Variants in DNER observed in about 807,000 individuals in gnomAD.
DNER encodes the protein delta/notch like EGF repeat containing, also known as delta and Notch-like epidermal growth factor-related receptor.
In DNER, 33 loss-of-function variants were observed where a neutral mutation model predicts 78.2. The ratio of observed to expected loss-of-function variants is 0.42; its 90% CI spans 0.32 to 0.56. DNER has a LOEUF of 0.56. Ranked by LOEUF, DNER falls within the 20% of genes least tolerant of loss-of-function variation. The pLI is 0.11. For missense variants in DNER, 918 were observed against 975.3 expected (o/e 0.94, Z 0.78); for synonymous variants, 417 against 384.8 (o/e 1.08, Z -0.98).
chr2:229,572,162 C>G (rs1697229501), intron 4 of DNER, among the ~76,000 whole-genome samples: 1 of 152,132 alleles, frequency 6.6e-6, no homozygotes, highest in Admixed American at 6.6e-5. Context: ...CACACCGTTC[C>G]CCTTTACCCC....
intron 1 of DNER, among the ~76,000 whole-genome samples, chr2:229,618,345 A>G (rs551599984): frequency 1.2e-4 from 19 of 152,328 alleles, no homozygotes; most frequent in African/African-American, 4.1e-4. Context: ...ATTCGTTTGA[A>G]TAAGAGTTCT....
At chr2:229,359,895 C>T (rs894505436) in intron 12 of DNER, among the ~76,000 whole-genome samples, 3 of 152,182 alleles carry the variant, frequency 2.0e-5, no homozygotes, top group Admixed American at 6.5e-5. Flanking sequence ...AGGCAAAACA[C>T]GGGGTTAAAG....
At chr2:229,538,262 A>G (rs1315639874) in intron 5 of DNER, among the ~76,000 whole-genome samples, 1 of 152,254 alleles carries the variant, frequency 6.6e-6, no homozygotes, top group Non-Finnish European at 1.5e-5. Context: ...TCTTCACGTT[A>G]GCATTAAGTC....
chr2:229,498,706 G>A (rs1370904755), intron 6 of DNER, among the ~76,000 whole-genome samples: 1 of 152,064 alleles, frequency 6.6e-6, no homozygotes, highest in African/African-American at 2.4e-5. Context: ...ATTAAACCAA[G>A]TAGGGGAAAT....
chr2:229,678,957 G>C (rs1699343588), intron 1 of DNER, among the ~76,000 whole-genome samples: 1 of 152,166 alleles, frequency 6.6e-6, no homozygotes, highest in African/African-American at 2.4e-5. Context: ...CAGATGTGAG[G>C]GGCTTCCCCA....
At position 229,366,935 on chromosome 2, in the gene DNER, G is replaced by A. The variant is rs1469709595; in HGVS notation, c.2040C>T (p.Phe680=). The A allele has an allele frequency of 1.2e-6, 2 of 1,614,172 alleles. No homozygotes were observed. The highest frequency in any genetic ancestry group is 1.7e-5 in the Admixed American group (1 of 60,022). ...QGSSRPAYEE[F]YNCRSIDSEF... The stretch of plus-strand genomic sequence containing the variant: ...CGCTGTCGATGCTGCGGCAGTTGTA[G>A]AACTCCTCATAGGCTGGCCTGGAAG... Residue 680 remains phenylalanine, a synonymous_variant, in exon 12 of 13, where the codon TTC becomes TTT. Coordinates refer to ENST00000341772, the MANE Select transcript of DNER (RefSeq NM_139072.4).
At chr2:229,456,353 G>GC (rs1694573094) in intron 7 of DNER, among the ~76,000 whole-genome samples, 1 of 151,522 alleles carries the variant, frequency 6.6e-6, no homozygotes, top group African/African-American at 2.4e-5. Context: ...CTCCCACCAG[G>GC]CCCCACCTCC....
In DNER at chr2:229,360,489, G is replaced by A. The variant is rs533412911; in HGVS notation, c.2103-1838C>T. 5.3e-5 allele frequency among the ~76,000 whole-genome samples: 8 copies of A among 152,124 alleles called. No homozygotes were observed. In the East Asian group the frequency reaches 9.7e-4, roughly 18 times the overall value. Reference sequence around the variant, plus strand: ...GCAGTGGCGTGGTCTCGGCTCACGCGGCAAGCTCCACCTCCTATGTTCGTG... The same window carrying A: ...GCAGTGGCGTGGTCTCGGCTCACGCAGCAAGCTCCACCTCCTATGTTCGTG... On this transcript the variant is annotated intron_variant, in intron 12 of 12. Transcript: ENST00000341772.
Position 229,512,975 on chromosome 2 carries a change from C to T in DNER, c.994-39G>A, listed in dbSNP as rs116710222. The T allele has an allele frequency of 1.6e-4, 263 of 1,597,262 alleles. 1 individual carries two copies. The African/African-American group carries it at 3.3e-3, about 20-fold the overall frequency. On this transcript the variant is annotated intron_variant, in intron 5 of 12. Coordinates refer to ENST00000341772, the MANE Select transcript of DNER (RefSeq NM_139072.4). ...AAAGCACAGTGTCTATTACCTGGCA[C>T]CTCTCAACAGTGTGCTTTGGCTGTG...
intron 12 of DNER, among the ~76,000 whole-genome samples, chr2:229,364,561 G>A (rs1165853921): frequency 6.6e-6 from 1 of 152,150 alleles, no homozygotes; most frequent in East Asian, 1.9e-4. Flanking sequence ...CTGGAGGAGG[G>A]TTGAGTTCTC....
At chr2:229,561,280 T>C (rs1033656539) in intron 4 of DNER, among the ~76,000 whole-genome samples, 2 of 152,156 alleles carry the variant, frequency 1.3e-5, no homozygotes, top group Non-Finnish European at 2.9e-5. Context: ...CCTAGCCAAA[T>C]GACTATGAAA....
Position 229,546,814 on chromosome 2 carries a change from C to CAGATAGAT in DNER, c.993+132_993+133insATCTATCT, listed in dbSNP as rs1413221194. ...ATAGATAGATAGATAGACAGACAGA[C>CAGATAGAT]AGACAGACAGACAGACAGATAGATA... On this transcript the variant is annotated intron_variant, in intron 5 of 12. Transcript: ENST00000341772. 2.3e-6 allele frequency: 3 copies of CAGATAGAT among 1,290,068 alleles called. No individual in the cohort carries two copies. The African/African-American group carries it at 4.8e-5, about 21-fold the overall frequency. 79.9% of individuals were successfully genotyped at this position (1,290,068 alleles called of 1,614,324 possible). A position where few individuals can be genotyped will look rare whatever the true frequency, so the allele number is the denominator to read the frequency against.
intron 6 of DNER, among the ~76,000 whole-genome samples, chr2:229,508,737 C>T (rs545279709): frequency 1.8e-4 from 27 of 152,004 alleles, no homozygotes; most frequent in Middle Eastern, 3.4e-3. Flanking sequence ...AAAAATTAGC[C>T]GGGCGTGGTG....
chr2:229,511,951 G>A (rs529781736), intron 6 of DNER, among the ~76,000 whole-genome samples: 43 of 152,270 alleles, frequency 2.8e-4, no homozygotes, highest in African/African-American at 9.9e-4. Context: ...TTCAACAGCT[G>A]GGCACAGCAT....
intron 1 of DNER, among the ~76,000 whole-genome samples, chr2:229,630,975 T>C (rs1273246426): frequency 8.6e-6 from 1 of 116,044 alleles, no homozygotes; most frequent in Non-Finnish European, 2.3e-5. Context: ...GATTTCATTC[T>C]TTTTTATGGC....
intron 4 of DNER, among the ~76,000 whole-genome samples, chr2:229,553,534 T>C (rs1696789730): frequency 1.3e-5 from 2 of 152,036 alleles, no homozygotes; most frequent in South Asian, 4.2e-4. Context: ...AACAAACCAA[T>C]TGGTGAAGGG....
At chr2:229,629,659 C>A (rs1016965176) in intron 1 of DNER, among the ~76,000 whole-genome samples, 3 of 152,132 alleles carry the variant, frequency 2.0e-5, no homozygotes, top group African/African-American at 4.8e-5. Context: ...TGGAAAATGG[C>A]AAACAAAAGA....
chr2:229,632,592 C>T (rs566657263), intron 1 of DNER, among the ~76,000 whole-genome samples: 1 of 152,150 alleles, frequency 6.6e-6, no homozygotes, highest in African/African-American at 2.4e-5. Flanking sequence ...AGCAACTCAC[C>T]AAATAATTAT....
chr2:229,626,634 A>C (rs1365165236), intron 1 of DNER, among the ~76,000 whole-genome samples: 2 of 152,230 alleles, frequency 1.3e-5, no homozygotes, highest in Admixed American at 6.5e-5. Flanking sequence ...TTTGGGAAAT[A>C]ATACCAGCTT....
Sources: gnomAD v4.1 joint callset for allele counts (sites outside exome capture counted in the v4.1 genomes callset) on GRCh38, gnomAD v4.1.1 for gene constraint, MANE v1.5 for transcripts, NCBI Gene and HGNC (gene_info 2026-07-23, HGNC 2026-07-21) for gene names.